CNTNAP2: variants seen among roughly 807,000 people sequenced by gnomAD.
The protein encoded by CNTNAP2 is contactin associated protein 2, also known as contactin-associated protein-like 2.
In CNTNAP2, 98 loss-of-function variants were observed where a neutral mutation model predicts 155.2. The ratio of observed to expected loss-of-function variants is 0.63; its 90% CI spans 0.54 to 0.75. The LOEUF (loss-of-function observed/expected upper bound fraction) is 0.75. CNTNAP2 is among the 30% of genes least tolerant of loss of function. The pLI, the probability that CNTNAP2 is intolerant of heterozygous loss-of-function variation, is 0.00. For synonymous variants in CNTNAP2, 651 were observed against 631.2 expected, an observed-to-expected ratio of 1.03 and a Z score of -0.47; for missense variants, 1,727 against 1,688.1, an observed-to-expected ratio of 1.02 and a Z score of -0.40.
At chr7:147,746,890 G>T (rs995029087) in intron 13 of CNTNAP2, among the ~76,000 whole-genome samples, 1 of 152,108 alleles carries the variant, frequency 6.6e-6, no homozygotes, top group Admixed American at 6.5e-5. Context: ...TTTCCTTCTA[G>T]TTAATGATGC....
intron 3 of CNTNAP2, among the ~76,000 whole-genome samples, chr7:146,848,923 C>T (rs1465010514): frequency 6.6e-6 from 1 of 152,094 alleles, no homozygotes; most frequent in East Asian, 1.9e-4. Context: ...CAGGCATGCA[C>T]CACCATCCCA....
chr7:146,878,351 TG>T (rs778509651), intron 3 of CNTNAP2, among the ~76,000 whole-genome samples: 17 of 151,782 alleles, frequency 1.1e-4, no homozygotes, highest in Non-Finnish European at 2.1e-4. Context: ...TTTTCTATAA[TG>T]CTAACTTCAT....
chr7:147,775,326 T>A (rs1486619631), intron 13 of CNTNAP2, among the ~76,000 whole-genome samples: 1 of 52,756 alleles, frequency 1.9e-5, no homozygotes, highest in Non-Finnish European at 3.1e-5. Flanking sequence ...TATATATTTA[T>A]ATATATTTAT....
At chr7:147,149,088 T>A (rs1314307422) in intron 8 of CNTNAP2, among the ~76,000 whole-genome samples, 1 of 152,226 alleles carries the variant, frequency 6.6e-6, no homozygotes, top group Non-Finnish European at 1.5e-5. Context: ...ATTCCGTTAT[T>A]TGACCCCGCA....
intron 1 of CNTNAP2, among the ~76,000 whole-genome samples, chr7:146,241,319 T>C (rs1487603202): frequency 6.6e-6 from 1 of 152,208 alleles, no homozygotes; most frequent in Non-Finnish European, 1.5e-5. Flanking sequence ...AAAGCTTTCA[T>C]ACAGACCTGT....
At chr7:148,086,947 A>G (rs1290026075) in intron 15 of CNTNAP2, among the ~76,000 whole-genome samples, 1 of 152,174 alleles carries the variant, frequency 6.6e-6, no homozygotes, top group Non-Finnish European at 1.5e-5. Context: ...TGCAAATCCC[A>G]TTTCATTATC....
At chr7:146,565,026 A>C (rs1233527282) in intron 1 of CNTNAP2, among the ~76,000 whole-genome samples, 1 of 152,056 alleles carries the variant, frequency 6.6e-6, no homozygotes, top group African/African-American at 2.4e-5. Flanking sequence ...CTCCTACTAT[A>C]ATATTTCAGT....
chr7:148,354,867 C>A (rs777252353), intron 21 of CNTNAP2, among the ~76,000 whole-genome samples: 2 of 152,154 alleles, frequency 1.3e-5, no homozygotes, highest in Non-Finnish European at 2.9e-5. Context: ...ACACACCCCA[C>A]CCTGGGCTCG....
At chr7:146,292,222 G>GT (rs1168154777) in intron 1 of CNTNAP2, among the ~76,000 whole-genome samples, 5 of 152,196 alleles carry the variant, frequency 3.3e-5, no homozygotes, top group African/African-American at 1.2e-4. Context: ...CCCTCCCTTT[G>GT]TGCATGTGTT....
At chr7:146,326,519 G>A (rs951886203) in intron 1 of CNTNAP2, among the ~76,000 whole-genome samples, 5 of 152,058 alleles carry the variant, frequency 3.3e-5, no homozygotes, top group African/African-American at 7.2e-5. Context: ...CAAGACTGTC[G>A]TATACTTCTT....
At chr7:147,730,075 A>G (rs932419539) in intron 13 of CNTNAP2, among the ~76,000 whole-genome samples, 2 of 152,112 alleles carry the variant, frequency 1.3e-5, no homozygotes, top group Admixed American at 6.6e-5. Context: ...GCAAACAGGA[A>G]CACACTTTTA....
At chr7:147,431,494 C>T (rs1432696675) in intron 10 of CNTNAP2, among the ~76,000 whole-genome samples, 4 of 152,164 alleles carry the variant, frequency 2.6e-5, no homozygotes, top group East Asian at 1.9e-4. Flanking sequence ...TGTGCCCCTA[C>T]AACCTCTGCT....
At chr7:148,414,081 T>A (rs1222688005) in intron 23 of CNTNAP2, among the ~76,000 whole-genome samples, 1 of 130,374 alleles carries the variant, frequency 7.7e-6, no homozygotes, top group Admixed American at 8.3e-5. Flanking sequence ...TTTTTCCATT[T>A]TTTTTTTTTA....
intron 1 of CNTNAP2, among the ~76,000 whole-genome samples, chr7:146,637,630 C>T (rs1246169017): frequency 1.3e-5 from 2 of 152,264 alleles, no homozygotes. Flanking sequence ...TTGATCCTTT[C>T]TAATGTGTAT....
At chr7:147,338,532 T>C (rs1438698123) in intron 9 of CNTNAP2, among the ~76,000 whole-genome samples, 4 of 152,116 alleles carry the variant, frequency 2.6e-5, no homozygotes, top group Admixed American at 1.3e-4. Context: ...AGAAGTGGTT[T>C]TGTCACAGAA....
At chr7:147,737,668 A>G (rs1796879213) in intron 13 of CNTNAP2, among the ~76,000 whole-genome samples, 1 of 152,188 alleles carries the variant, frequency 6.6e-6, no homozygotes, top group Non-Finnish European at 1.5e-5. Flanking sequence ...GGCTCCACCC[A>G]GTTTGAGTTT....
chr7:146,298,004 G>A (rs1483996835), intron 1 of CNTNAP2, among the ~76,000 whole-genome samples: 2 of 152,092 alleles, frequency 1.3e-5, no homozygotes, highest in South Asian at 2.1e-4. Flanking sequence ...ACTATAAAAC[G>A]TGAGATGCTG....
At position 146,708,279 on chromosome 7, in the gene CNTNAP2, G is replaced by A. The variant is rs535287156; in HGVS notation, c.98-65992G>A. Among the ~76,000 whole-genome samples, 10 of 151,944 alleles carry A rather than the reference G, an allele frequency of 6.6e-5. No homozygotes were observed. In the South Asian group the frequency reaches 8.3e-4, roughly 13 times the overall value. On this transcript the variant is annotated intron_variant, in intron 1 of 23. Transcript: ENST00000361727. ...CTTCATTATAATACAGGACCTTACC[G>A]GAAGGAGGCCTTCAATGATACATGT... is the stretch of plus-strand genomic sequence containing the variant.
intron 13 of CNTNAP2, among the ~76,000 whole-genome samples, chr7:147,850,595 C>CA (rs1798917824): frequency 6.6e-6 from 1 of 152,156 alleles, no homozygotes; most frequent in Admixed American, 6.5e-5. Flanking sequence ...TGGAACAGAA[C>CA]AGAGGCATCA....
Sources: gnomAD v4.1 joint callset for allele counts (sites outside exome capture counted in the v4.1 genomes callset) on GRCh38, gnomAD v4.1.1 for gene constraint, MANE v1.5 for transcripts, NCBI Gene and HGNC (gene_info 2026-07-23, HGNC 2026-07-21) for gene names.